The following N4BP2 variants were observed in gnomAD, a reference collection of about 807,000 sequenced individuals.
N4BP2 encodes NEDD4-binding protein 2.
In N4BP2, 91 loss-of-function variants were observed where a neutral mutation model predicts 152.8. The ratio of observed to expected loss-of-function variants is 0.60; its 90% confidence interval spans 0.50 to 0.71. The LOEUF (loss-of-function observed/expected upper bound fraction) is 0.71, where lower values mean the gene tolerates loss of function less well. Among genes scored for constraint, N4BP2 ranks in the 30% least tolerant of loss-of-function variants. The probability of loss-of-function intolerance (pLI) is 0.00; values close to 1 mark genes in which losing one functional copy is unlikely to be tolerated. For missense variants in N4BP2, 1,923 were observed against 2,059.1 expected (o/e 0.93, Z 1.28); for synonymous variants, 646 against 705.3 (o/e 0.92, Z 1.33).
intron 2 of N4BP2, among the ~76,000 whole-genome samples, chr4:40,080,379 TTGCTCTG>T (rs1268726817): frequency 2.0e-5 from 3 of 147,290 alleles, no homozygotes; most frequent in Non-Finnish European, 4.4e-5. Flanking sequence ...AGGTGGAGTC[TTGCTCTG>T]TTGCCAGGCT....
intron 1 of N4BP2, among the ~76,000 whole-genome samples, chr4:40,058,486 T>C (rs1733398584): frequency 6.6e-6 from 1 of 152,190 alleles, no homozygotes; most frequent in Non-Finnish European, 1.5e-5. Context: ...AATAAATGGC[T>C]GCTCTTTTGC....
intron 14 of N4BP2, chr4:40,142,308 G>A (rs1043216884): frequency 1.5e-5 from 5 of 325,676 alleles, no homozygotes; most frequent in African/African-American, 4.4e-5. Flanking sequence ...TCTCTCTGGC[G>A]GTGGTGGCGA....
intron 1 of N4BP2, among the ~76,000 whole-genome samples, chr4:40,059,891 T>C (rs1733522865): frequency 6.6e-6 from 1 of 152,210 alleles, no homozygotes; most frequent in South Asian, 2.1e-4. Flanking sequence ...CTGAGAAGTA[T>C]TAAGAAAGTT....
chr4:40,066,475 C>T (rs1286996699), intron 1 of N4BP2, among the ~76,000 whole-genome samples: 1 of 152,014 alleles, frequency 6.6e-6, no homozygotes, highest in Non-Finnish European at 1.5e-5. Context: ...TGTGCCACCA[C>T]ACACAGCTAA....
chr4:40,083,111 C>A, intron 2 of N4BP2: 1 of 164,008 alleles, frequency 6.1e-6, no homozygotes, highest in Non-Finnish European at 1.3e-5. Flanking sequence ...GGTTGGGGGG[C>A]GGTGCAGACA....
chr4:40,084,060 C>T (rs1022643335), intron 2 of N4BP2, among the ~76,000 whole-genome samples: 7 of 152,164 alleles, frequency 4.6e-5, no homozygotes, highest in African/African-American at 1.7e-4. Context: ...CCTGGGTTCT[C>T]CTGCCTCAGC....
At chr4:40,060,824 C>G (rs1050088771) in intron 1 of N4BP2, among the ~76,000 whole-genome samples, 1 of 152,030 alleles carries the variant, frequency 6.6e-6, no homozygotes, top group African/African-American at 2.4e-5. Context: ...AGGCTGGTCA[C>G]AAACTTGTGG....
chr4:40,066,684 C>T (rs1434757977), intron 1 of N4BP2, among the ~76,000 whole-genome samples: 1 of 152,148 alleles, frequency 6.6e-6, no homozygotes, highest in East Asian at 1.9e-4. Flanking sequence ...ATCACCTTGT[C>T]TCAGTTTTTT....
intron 2 of N4BP2, among the ~76,000 whole-genome samples, chr4:40,081,445 A>T (rs751605770): frequency 2.4e-4 from 37 of 152,216 alleles, no homozygotes; most frequent in Admixed American, 7.9e-4. Flanking sequence ...CAGGAGTTCA[A>T]GACCAATCTG....
At chr4:40,113,693 G>T (rs1717105801) in intron 7 of N4BP2, among the ~76,000 whole-genome samples, 185 bp downstream of exon 7, 1 of 151,986 alleles carries the variant, frequency 6.6e-6, no homozygotes, top group South Asian at 2.1e-4. Flanking sequence ...GTTAATTTAC[G>T]GTAAAAATTC....
intron 17 of N4BP2, among the ~76,000 whole-genome samples, chr4:40,153,926 G>C (rs1721383904): frequency 6.6e-6 from 1 of 152,028 alleles, no homozygotes; most frequent in South Asian, 2.1e-4. Flanking sequence ...TTTTCATAAA[G>C]GTAAAATTCA....
At chr4:40,143,814 C>T (rs1003658798) in intron 15 of N4BP2, among the ~76,000 whole-genome samples, 1 of 152,036 alleles carries the variant, frequency 6.6e-6, no homozygotes, top group African/African-American at 2.4e-5. Context: ...ACCAGTGATT[C>T]CTTCTTGAGA....
the N4BP2 span, among the ~76,000 whole-genome samples, chr4:40,171,206 C>A: frequency 1.3e-5 from 2 of 152,220 alleles, no homozygotes; most frequent in Admixed American, 6.5e-5. Flanking sequence ...GTTCTTCCAA[C>A]GTGAAGTGCC....
chr4:40,101,308 C>T (rs1291826624), intron 3 of N4BP2, among the ~76,000 whole-genome samples: 1 of 152,084 alleles, frequency 6.6e-6, no homozygotes, highest in African/African-American at 2.4e-5. Context: ...AGGCATGCGC[C>T]GCCACTATGC....
In N4BP2 at chr4:40,121,577, G is replaced by C; in HGVS notation, c.3466G>C (p.Gly1156Arg). 1 of 1,614,036 alleles carries C rather than the reference G, an allele frequency of 6.2e-7. No individual in the cohort carries two copies. The highest frequency in any genetic ancestry group is 8.5e-7 in the Non-Finnish European group (1 of 1,179,982). The change falls in exon 9 of 18, where the codon GGG (glycine) becomes CGG (arginine). Residue 1156 changes from glycine (G) to arginine (R), a missense_variant. Coordinates refer to ENST00000261435, the MANE Select transcript of N4BP2 (RefSeq NM_018177.6). ...DGSQIGPFSL[G>R]LNLKEIISQR... ...ATCACAAATTGGGCCTTTTTCTCTG[G>C]GGTTGAATTTGAAAGAAATTATTAG...
At chr4:40,174,248 A>G in the N4BP2 span, among the ~76,000 whole-genome samples, 1 of 151,758 alleles carries the variant, frequency 6.6e-6, no homozygotes, top group Admixed American at 6.6e-5. Flanking sequence ...GTGGTAGTGC[A>G]TGCCTGTAGT....
chr4:40,152,962 AT>A (rs1232136862), intron 17 of N4BP2, 59 bp downstream of exon 17: 1 of 1,558,404 alleles, frequency 6.4e-7, no homozygotes, highest in East Asian at 2.2e-5. Flanking sequence ...TTTATCAGAT[AT>A]TTCTGTGAGT....
At chr4:40,088,531 G>A (rs939828612) in intron 2 of N4BP2, among the ~76,000 whole-genome samples, 1 of 144,202 alleles carries the variant, frequency 6.9e-6, no homozygotes, top group South Asian at 2.2e-4. Context: ...ATGGGGTTTC[G>A]CTCTTGTTGC....
chr4:40,088,239 T>G (rs1362877156), intron 2 of N4BP2, among the ~76,000 whole-genome samples: 1 of 152,230 alleles, frequency 6.6e-6, no homozygotes, highest in Non-Finnish European at 1.5e-5. Flanking sequence ...ATAAAGCTGC[T>G]GTAAACATTT....
Sources: allele counts gnomAD v4.1 joint callset (sites outside exome capture counted in the v4.1 genomes callset), GRCh38; gene constraint gnomAD v4.1.1; transcripts MANE v1.5; gene names NCBI Gene and HGNC (gene_info 2026-07-23, HGNC 2026-07-21).